HMBOX1: variants seen among roughly 807,000 people sequenced by gnomAD.
HMBOX1 encodes homeobox containing 1.
In HMBOX1, 14 loss-of-function variants were observed where a neutral mutation model predicts 54.5. That is an observed-to-expected ratio of 0.26 (90% CI 0.17 to 0.40). The LOEUF is 0.40. HMBOX1 is among the 10% of genes least tolerant of loss of function. The probability of loss-of-function intolerance (pLI) is 1.00; values close to 1 mark genes in which losing one functional copy is unlikely to be tolerated. For synonymous variants in HMBOX1, 160 were observed against 181.0 expected (o/e 0.88, Z 0.93); for missense variants, 332 against 514.4 (o/e 0.65, Z 3.43).
At chr8:28,963,394 A>C (rs1280969314) in intron 1 of HMBOX1, among the ~76,000 whole-genome samples, 1 of 152,244 alleles carries the variant, frequency 6.6e-6, no homozygotes, top group African/African-American at 2.4e-5. Context: ...TTTTGCATAT[A>C]TCATTAGTCA....
chr8:29,025,559 C>T (rs778606094), intron 6 of HMBOX1, among the ~76,000 whole-genome samples: 2 of 152,134 alleles, frequency 1.3e-5, no homozygotes, highest in East Asian at 1.9e-4. Flanking sequence ...CATTGTTAGA[C>T]CAGTGTTCTT....
intron 1 of HMBOX1, among the ~76,000 whole-genome samples, chr8:28,913,180 G>T (rs1563373882): frequency 6.6e-6 from 1 of 152,050 alleles, no homozygotes; most frequent in Non-Finnish European, 1.5e-5. Context: ...TTTCCCCACG[G>T]GATAGCAAGA....
intron 1 of HMBOX1, among the ~76,000 whole-genome samples, chr8:28,906,180 G>A (rs1035022851): frequency 6.6e-6 from 1 of 152,180 alleles, no homozygotes; most frequent in African/African-American, 2.4e-5. Context: ...AGGATTTAAA[G>A]CTGAATTAGC....
intron 1 of HMBOX1, among the ~76,000 whole-genome samples, chr8:28,960,753 C>CTTTTTTTTTTT (rs1023356056): frequency 3.0e-5 from 2 of 65,644 alleles, no homozygotes; most frequent in African/African-American, 6.2e-5. Flanking sequence ...TTCTCTTTTT[C>CTTTTTTTTTTT]TTTTTCTTTT....
rs1806404258 is a variant in HMBOX1 at position 29,051,323 on chromosome 8, A to G, written c.*168A>G. 2.9e-6 allele frequency: 2 copies of G among 690,560 alleles called. No individual in the cohort carries two copies. Among genetic ancestry groups the G allele is most frequent in the Non-Finnish European group, 4.9e-6 (2 of 408,366 alleles). 42.8% of individuals were successfully genotyped at this position (690,560 alleles called of 1,614,324 possible). On this transcript the variant is annotated 3_prime_UTR_variant, in exon 10 of 10. Coordinates refer to ENST00000287701, the MANE Select transcript of HMBOX1 (RefSeq NM_001135726.3). ...ATGGCATGGTGCCCTCAGCCTTTGC[A>G]TATACTCTCTCAGTATTAACTCCCA...
At chr8:28,940,324 TAA>T (rs1337096852) in intron 1 of HMBOX1, among the ~76,000 whole-genome samples, 1 of 152,188 alleles carries the variant, frequency 6.6e-6, no homozygotes, top group Non-Finnish European at 1.5e-5. Flanking sequence ...AGATTTTTTT[TAA>T]AAGACTAGTT....
At chr8:29,008,972 C>T in intron 4 of HMBOX1, 100 bp from the exon 5 acceptor site, 3 of 832,432 alleles carry the variant, frequency 3.6e-6, no homozygotes, top group Non-Finnish European at 5.9e-6. Context: ...ATGGACTGGA[C>T]ACAGAGAATA....
intron 1 of HMBOX1, chr8:28,950,007 T>C (rs1172684771): frequency 6.6e-6 from 1 of 152,212 alleles, no homozygotes; most frequent in African/African-American, 2.4e-5. Context: ...ACCAATATCA[T>C]ATATGAATTC....
intron 1 of HMBOX1, among the ~76,000 whole-genome samples, chr8:28,951,420 T>G (rs1464459189): frequency 6.6e-6 from 1 of 152,170 alleles, no homozygotes; most frequent in Admixed American, 6.5e-5. Context: ...CGTGAGCCAC[T>G]GCGCCCGGCC....
At chr8:28,931,566 G>A (rs1819470031) in intron 1 of HMBOX1, among the ~76,000 whole-genome samples, 1 of 152,056 alleles carries the variant, frequency 6.6e-6, no homozygotes, top group South Asian at 2.1e-4. Context: ...TTCTGAGACA[G>A]GATCTTGCTG....
intron 6 of HMBOX1, among the ~76,000 whole-genome samples, chr8:29,026,868 C>G (rs1229873005): frequency 6.6e-6 from 1 of 152,162 alleles, no homozygotes; most frequent in Non-Finnish European, 1.5e-5. Context: ...ATGTTACAAC[C>G]TTCCATTTGT....
chr8:28,954,945 A>G (rs1824146000), intron 1 of HMBOX1, among the ~76,000 whole-genome samples: 1 of 152,158 alleles, frequency 6.6e-6, no homozygotes, highest in African/African-American at 2.4e-5. Flanking sequence ...CCATCTTGCC[A>G]CCTTCTGGCA....
intron 4 of HMBOX1, among the ~76,000 whole-genome samples, chr8:28,988,934 A>AT (rs1222264512): frequency 1.3e-5 from 2 of 151,646 alleles, no homozygotes; most frequent in Non-Finnish European, 2.9e-5. Flanking sequence ...TATATTTATC[A>AT]TTTTTTTTCT....
chr8:29,000,089 AAAGTT>A (rs1330186245), intron 4 of HMBOX1, among the ~76,000 whole-genome samples: 1 of 152,190 alleles, frequency 6.6e-6, no homozygotes, highest in Non-Finnish European at 1.5e-5. Flanking sequence ...TTAACATTAT[AAAGTT>A]ATTATTCTTT....
chr8:28,892,796 A>G (rs1246271934), intron 1 of HMBOX1, among the ~76,000 whole-genome samples: 1 of 152,166 alleles, frequency 6.6e-6, no homozygotes, highest in African/African-American at 2.4e-5. Flanking sequence ...TTGATTCAAA[A>G]CTAAGCCATT....
intron 1 of HMBOX1, among the ~76,000 whole-genome samples, chr8:28,897,745 A>G (rs1812439825): frequency 6.6e-6 from 1 of 152,228 alleles, no homozygotes; most frequent in Admixed American, 6.5e-5. Flanking sequence ...TTGTTGCTAG[A>G]GAGGATATGT....
At chr8:28,920,045 G>A (rs1447621737) in intron 1 of HMBOX1, among the ~76,000 whole-genome samples, 1 of 151,860 alleles carries the variant, frequency 6.6e-6, no homozygotes, top group Admixed American at 6.6e-5. Flanking sequence ...CACAGGGCTG[G>A]CTTATGAATA....
At position 28,962,728 on chromosome 8, in the gene HMBOX1, C is replaced by CT. The variant is rs1291368800; in HGVS notation, c.-57-1082dup. Among the ~76,000 whole-genome samples, 7 of 152,306 alleles carry CT rather than the reference C, an allele frequency of 4.6e-5. No individual in the cohort carries two copies. In the East Asian group the frequency reaches 1.4e-3, roughly 29 times the overall value. ...CCTCAAATAACAGCCAGATTTCACT[C>CT]TAAGAAATCTTCCTAGTTCTCTCTA... On this transcript the variant is annotated intron_variant, in intron 1 of 9. Transcript: ENST00000287701.
chr8:28,980,966 G>C (rs1829239475), intron 4 of HMBOX1, among the ~76,000 whole-genome samples: 1 of 152,022 alleles, frequency 6.6e-6, no homozygotes, highest in Non-Finnish European at 1.5e-5. Flanking sequence ...CTACTAGCTG[G>C]CTATGTGAAT....
Sources: allele counts gnomAD v4.1 joint callset (sites outside exome capture counted in the v4.1 genomes callset), GRCh38; gene constraint gnomAD v4.1.1; transcripts MANE v1.5; gene names NCBI Gene and HGNC (gene_info 2026-07-23, HGNC 2026-07-21).